Variants in LYZL4 observed in about 807,000 individuals in gnomAD.
LYZL4 encodes lysozyme-like protein 4.
In LYZL4, 13 loss-of-function variants were observed where a neutral mutation model predicts 17.6. The ratio of observed to expected loss-of-function variants is 0.74; its 90% CI spans 0.48 to 1.18. LYZL4 has a LOEUF of 1.18. LYZL4 is among the 50% of genes most tolerant of loss of function. LYZL4 has a pLI of 0.00. For missense variants in LYZL4, 174 were observed against 188.2 expected, an observed-to-expected ratio of 0.92 and a Z score of 0.44; for synonymous variants, 64 against 67.7, an observed-to-expected ratio of 0.95 and a Z score of 0.27.
At chr3:42,392,469 T>A (rs1698492923), downstream of LYZL4, among the ~76,000 whole-genome samples, 1 of 152,214 alleles carries the variant, frequency 6.6e-6, no homozygotes, top group East Asian at 1.9e-4. Context: ...CACTTGATAA[T>A]GGTTTTTAAG....
At chr3:42,383,840 T>G in the LYZL4 span, among the ~76,000 whole-genome samples, 1 of 151,064 alleles carries the variant, frequency 6.6e-6, no homozygotes, top group Non-Finnish European at 1.5e-5. Flanking sequence ...GAGGAAAAAG[T>G]GAAAGAAATA....
At chr3:42,377,647 G>GTGTGTA in the LYZL4 span, among the ~76,000 whole-genome samples, 1 of 151,738 alleles carries the variant, frequency 6.6e-6, no homozygotes, top group Non-Finnish European at 1.5e-5. Context: ...GTGTGTGTGT[G>GTGTGTA]TGTGTGTGTG....
At chr3:42,407,028 G>A (rs1457467465) in intron 2 of LYZL4, 30 bp from the exon 3 acceptor site, 6 of 1,613,964 alleles carry the variant, frequency 3.7e-6, no homozygotes, top group Non-Finnish European at 5.1e-6. Flanking sequence ...GTGTGACTCT[G>A]AGGACAGCTG....
At chr3:42,377,103 C>A in the LYZL4 span, among the ~76,000 whole-genome samples, 1 of 152,172 alleles carries the variant, frequency 6.6e-6, no homozygotes, top group Non-Finnish European at 1.5e-5. Flanking sequence ...CAAAGGGCTG[C>A]AGGATCCTGA....
downstream of LYZL4, among the ~76,000 whole-genome samples, chr3:42,393,519 G>C (rs1577148303): frequency 6.6e-6 from 1 of 152,126 alleles, no homozygotes; most frequent in Non-Finnish European, 1.5e-5. Context: ...GCGCAGCCAG[G>C]GTCACTCACT....
At chr3:42,376,117 G>T in the LYZL4 span, among the ~76,000 whole-genome samples, 1 of 152,316 alleles carries the variant, frequency 6.6e-6, no homozygotes, top group East Asian at 1.9e-4. Flanking sequence ...TTGTGGAAAT[G>T]AAGGAATTAA....
chr3:42,402,283 G>A (rs1385260461), intron 4 of LYZL4, among the ~76,000 whole-genome samples: 1 of 150,918 alleles, frequency 6.6e-6, no homozygotes, highest in Non-Finnish European at 1.5e-5. Flanking sequence ...TCTAGCCAGG[G>A]TGACAGAGCA....
the LYZL4 span, among the ~76,000 whole-genome samples, chr3:42,391,711 G>C: frequency 3.9e-5 from 6 of 152,150 alleles, no homozygotes; most frequent in Non-Finnish European, 7.3e-5. Flanking sequence ...AGCCGAGAGA[G>C]ATTGTTTTAA....
the LYZL4 span, among the ~76,000 whole-genome samples, chr3:42,370,917 C>T: frequency 6.6e-6 from 1 of 152,198 alleles, no homozygotes; most frequent in Admixed American, 6.5e-5. Context: ...TGGTCATTTC[C>T]AGCCTTTTCC....
the LYZL4 span, among the ~76,000 whole-genome samples, chr3:42,377,106 G>T: frequency 6.6e-6 from 1 of 152,186 alleles, no homozygotes; most frequent in African/African-American, 2.4e-5. Flanking sequence ...AGGGCTGCAG[G>T]ATCCTGAAGC....
the LYZL4 span, among the ~76,000 whole-genome samples, chr3:42,368,362 C>T: frequency 6.6e-6 from 1 of 152,116 alleles, no homozygotes; most frequent in Admixed American, 6.5e-5. Flanking sequence ...TGTCTAGGGG[C>T]TTTGTAAAGA....
downstream of LYZL4, chr3:42,397,036 G>A (rs376906437): frequency 4.6e-6 from 2 of 432,124 alleles, no homozygotes; most frequent in African/African-American, 1.9e-5. Context: ...GTAAATAATG[G>A]TGATTACAGA....
the LYZL4 span, among the ~76,000 whole-genome samples, chr3:42,376,692 A>G: frequency 6.6e-5 from 10 of 152,180 alleles, no homozygotes; most frequent in African/African-American, 9.7e-5. Context: ...ACCTGGCCCT[A>G]TGTGGCTGTG....
the LYZL4 span, among the ~76,000 whole-genome samples, chr3:42,389,133 C>T: frequency 6.6e-6 from 1 of 152,208 alleles, no homozygotes; most frequent in African/African-American, 2.4e-5. Context: ...GGAGCCAGGA[C>T]CCTCGGAGGT....
chr3:42,371,129 A>T, the LYZL4 span, among the ~76,000 whole-genome samples: 6 of 152,104 alleles, frequency 3.9e-5, no homozygotes, highest in Non-Finnish European at 7.4e-5. Flanking sequence ...TCTCCCCTGG[A>T]ACTCCCATCT....
At chr3:42,407,484 T>G (rs973978091) in intron 1 of LYZL4, 141 bp from the exon 2 acceptor site, 12 of 569,238 alleles carry the variant, frequency 2.1e-5, no homozygotes, top group South Asian at 4.3e-5. Flanking sequence ...CTGCCCCTTC[T>G]CCTCCTCTTG....
the LYZL4 span, among the ~76,000 whole-genome samples, chr3:42,379,591 A>G: frequency 6.7e-6 from 1 of 149,920 alleles, no homozygotes; most frequent in African/African-American, 2.4e-5. Context: ...AAGGCCAGGA[A>G]CCAAGAGAAG....
intron 3 of LYZL4, among the ~76,000 whole-genome samples, chr3:42,405,740 G>A (rs1698737477): frequency 6.6e-6 from 1 of 152,054 alleles, no homozygotes; most frequent in African/African-American, 2.4e-5. Context: ...CCCAACTCAG[G>A]AGCCGCACTG....
the LYZL4 span, among the ~76,000 whole-genome samples, chr3:42,369,117 G>A: frequency 2.6e-5 from 4 of 152,332 alleles, no homozygotes; most frequent in African/African-American, 9.6e-5. Flanking sequence ...AAGACTCAAA[G>A]CCTAATGAAG....
Sources: allele counts gnomAD v4.1 joint callset (sites outside exome capture counted in the v4.1 genomes callset), GRCh38; gene constraint gnomAD v4.1.1; transcripts MANE v1.5; gene names NCBI Gene and HGNC (gene_info 2026-07-23, HGNC 2026-07-21).